Variants in RBFOX1 observed in about 807,000 individuals in gnomAD.
RBFOX1 encodes RNA binding protein fox-1 homolog 1.
In RBFOX1, 8 loss-of-function variants were observed where a neutral mutation model predicts 57.7. The ratio of observed to expected loss-of-function variants is 0.14; its 90% CI spans 0.08 to 0.25. RBFOX1 has a LOEUF of 0.25. Ranked by LOEUF, RBFOX1 falls within the 10% of genes least tolerant of loss-of-function variation. The pLI, the probability that RBFOX1 is intolerant of heterozygous loss-of-function variation, is 1.00. For missense variants in RBFOX1, 611 were observed against 548.5 expected (o/e 1.11, Z -1.14); for synonymous variants, 326 against 222.4 (o/e 1.47, Z -4.15).
chr16:5,412,794 C>T (rs76679553), intron 1 of RBFOX1, among the ~76,000 whole-genome samples: 10 of 152,354 alleles, frequency 6.6e-5, no homozygotes, highest in African/African-American at 2.2e-4. Context: ...CTGGCACCTA[C>T]ACACATATCC....
intron 4 of RBFOX1, among the ~76,000 whole-genome samples, chr16:7,467,144 G>A (rs772414937): frequency 1.3e-5 from 2 of 152,204 alleles, no homozygotes. Flanking sequence ...AACTGATAGA[G>A]TATCTTCTAG....
intron 3 of RBFOX1, among the ~76,000 whole-genome samples, chr16:6,977,804 A>G (rs140933750): frequency 6.6e-6 from 1 of 152,146 alleles, no homozygotes; most frequent in East Asian, 1.9e-4. Flanking sequence ...GTCAGTGTGG[A>G]TTGCAGGCAC....
chr16:6,896,638 C>T (rs74008413), intron 3 of RBFOX1, among the ~76,000 whole-genome samples: 11,948 of 152,058 alleles, frequency 0.079, 1,541 homozygotes, highest in African/African-American at 0.27. Context: ...GTATTTCAAA[C>T]GCACTTAGAA....
At chr16:5,898,931 C>G (rs1005766675) in intron 4 of RBFOX1, among the ~76,000 whole-genome samples, 1 of 150,250 alleles carries the variant, frequency 6.7e-6, no homozygotes, top group Admixed American at 6.6e-5. Flanking sequence ...GGTGTGGTGT[C>G]ATTTGCCTGT....
chr16:7,655,018 A>T (rs936379084), intron 12 of RBFOX1, among the ~76,000 whole-genome samples: 6 of 152,198 alleles, frequency 3.9e-5, no homozygotes, highest in African/African-American at 1.4e-4. Context: ...TCTGGTGTGT[A>T]GAAGAAAATA....
intron 4 of RBFOX1, among the ~76,000 whole-genome samples, chr16:7,066,345 A>T (rs944262207): frequency 6.6e-6 from 1 of 152,182 alleles, no homozygotes; most frequent in Admixed American, 6.5e-5. Flanking sequence ...GCTTTTTAGA[A>T]AGGAGCTAAA....
chr16:6,891,919 C>A (rs1399080641), intron 3 of RBFOX1, among the ~76,000 whole-genome samples: 1 of 152,130 alleles, frequency 6.6e-6, no homozygotes, highest in Non-Finnish European at 1.5e-5. Context: ...CCCTTTCTTT[C>A]CAGCAAGTCG....
At chr16:7,141,102 G>T (rs1210440553) in intron 4 of RBFOX1, among the ~76,000 whole-genome samples, 23 of 152,240 alleles carry the variant, frequency 1.5e-4, no homozygotes. Context: ...TCTGAACCAT[G>T]AGTCATCTTG....
intron 1 of RBFOX1, among the ~76,000 whole-genome samples, chr16:6,137,023 C>G (rs919874520): frequency 6.6e-6 from 1 of 152,180 alleles, no homozygotes; most frequent in African/African-American, 2.4e-5. Flanking sequence ...AAACTCCCAA[C>G]TTGCTTTTTT....
intron 4 of RBFOX1, among the ~76,000 whole-genome samples, chr16:7,139,176 C>CTCTCTCTCTCTCTGTGTG (rs372381673): frequency 0.013 from 1,855 of 145,894 alleles, 47 homozygotes; most frequent in African/African-American, 0.044. Flanking sequence ...CAATCTCTCT[C>CTCTCTCTCTCTCTGTGTG]TGTGTGTGTG....
chr16:5,603,100 A>G (rs1212957467), downstream of RBFOX1, among the ~76,000 whole-genome samples: 2 of 152,200 alleles, frequency 1.3e-5, no homozygotes, highest in Admixed American at 6.5e-5. Context: ...GCCCTGTGGC[A>G]CCAGTCAGCT....
chr16:7,474,248 T>C (rs62011112), intron 4 of RBFOX1, among the ~76,000 whole-genome samples: 7 of 150,628 alleles, frequency 4.6e-5, no homozygotes, highest in Non-Finnish European at 8.9e-5. Flanking sequence ...GATCGCGCCA[T>C]TGCACTCCAG....
chr16:6,733,243 C>G (rs1243614815), intron 3 of RBFOX1, among the ~76,000 whole-genome samples: 1 of 152,116 alleles, frequency 6.6e-6, no homozygotes, highest in Non-Finnish European at 1.5e-5. Context: ...GGCAAACTCC[C>G]TTTTTTGAAA....
intron 1 of RBFOX1, among the ~76,000 whole-genome samples, chr16:6,279,813 T>G (rs1351353280): frequency 1.3e-5 from 2 of 151,990 alleles, no homozygotes; most frequent in Admixed American, 1.3e-4. Context: ...CAAAAGATAA[T>G]GATAAATGGT....
intron 3 of RBFOX1, among the ~76,000 whole-genome samples, chr16:5,626,740 A>G (rs2048361005): frequency 6.6e-6 from 1 of 152,046 alleles, no homozygotes; most frequent in Non-Finnish European, 1.5e-5. Context: ...CTGGTGATAG[A>G]TCTTGTGACT....
At chr16:6,077,191 T>C (rs1261570896) in intron 1 of RBFOX1, among the ~76,000 whole-genome samples, 3 of 152,160 alleles carry the variant, frequency 2.0e-5, no homozygotes, top group Non-Finnish European at 4.4e-5. Flanking sequence ...TTGCAACATA[T>C]TGCATTTCAG....
chr16:5,437,712 T>A (rs2067959250), intron 1 of RBFOX1, among the ~76,000 whole-genome samples: 1 of 152,168 alleles, frequency 6.6e-6, no homozygotes, highest in Non-Finnish European at 1.5e-5. Context: ...CAAAAAAATA[T>A]CAGAAGAAAC....
chr16:6,108,873 G>A (rs974652607), intron 1 of RBFOX1, among the ~76,000 whole-genome samples: 1 of 151,874 alleles, frequency 6.6e-6, no homozygotes, highest in Non-Finnish European at 1.5e-5. Flanking sequence ...TTATAGGGAC[G>A]CTTGTGATTG....
intron 4 of RBFOX1, among the ~76,000 whole-genome samples, chr16:5,972,480 G>A (rs971864657): frequency 5.3e-5 from 8 of 152,104 alleles, no homozygotes; most frequent in Admixed American, 1.3e-4. Context: ...GTATTCCAGC[G>A]TCCTCTCTTA....
Sources: gnomAD v4.1 joint callset for allele counts (sites outside exome capture counted in the v4.1 genomes callset) on GRCh38, gnomAD v4.1.1 for gene constraint, MANE v1.5 for transcripts, NCBI Gene and HGNC (gene_info 2026-07-23, HGNC 2026-07-21) for gene names.